MACROD2: variants seen among roughly 807,000 people sequenced by gnomAD.
The protein encoded by MACROD2 is ADP-ribose glycohydrolase MACROD2.
Under a neutral mutation model 70.4 loss-of-function variants are expected in MACROD2, and 36 were observed. The observed-to-expected ratio is 0.51, with a 90% CI of 0.39 to 0.68. The LOEUF (loss-of-function observed/expected upper bound fraction) is 0.68. Among genes scored for constraint, MACROD2 ranks in the 30% least tolerant of loss-of-function variants. The probability of loss-of-function intolerance (pLI) is 0.00; values close to 1 mark genes in which losing one functional copy is unlikely to be tolerated. For synonymous variants in MACROD2, 172 were observed against 178.8 expected (o/e 0.96, Z 0.30); for missense variants, 496 against 538.4 (o/e 0.92, Z 0.78).
chr20:15,300,729 G>T (rs1486353099), intron 6 of MACROD2, among the ~76,000 whole-genome samples: 1 of 152,166 alleles, frequency 6.6e-6, no homozygotes, highest in Admixed American at 6.6e-5. Context: ...GAAGCAACTG[G>T]GTTGGGTGTC....
chr20:14,491,116 G>A (rs2084788614), intron 3 of MACROD2, among the ~76,000 whole-genome samples: 1 of 152,146 alleles, frequency 6.6e-6, no homozygotes, highest in South Asian at 2.1e-4. Flanking sequence ...GTAACGTGAA[G>A]CTACCTGACT....
At chr20:14,903,039 C>CTTTTTTT (rs11483540) in intron 5 of MACROD2, among the ~76,000 whole-genome samples, 1 of 116,754 alleles carries the variant, frequency 8.6e-6, no homozygotes, top group Non-Finnish European at 1.7e-5. Context: ...TTTTCTTTCC[C>CTTTTTTT]TTTTTTTTTT....
intron 6 of MACROD2, among the ~76,000 whole-genome samples, chr20:15,276,419 A>G (rs1254006119): frequency 6.6e-6 from 1 of 151,608 alleles, no homozygotes; most frequent in Non-Finnish European, 1.5e-5. Context: ...AAAAAATAAA[A>G]AAATCTCATT....
At chr20:15,744,860 G>A (rs1011579174) in intron 8 of MACROD2, among the ~76,000 whole-genome samples, 2 of 151,988 alleles carry the variant, frequency 1.3e-5, no homozygotes, top group African/African-American at 4.8e-5. Context: ...TATACTTTAA[G>A]TTCTAGGGTA....
At chr20:14,252,892 C>T (rs569019340) in intron 3 of MACROD2, among the ~76,000 whole-genome samples, 1 of 152,048 alleles carries the variant, frequency 6.6e-6, no homozygotes, top group Non-Finnish European at 1.5e-5. Flanking sequence ...TTTCTTTTAT[C>T]ATGGTAAAAT....
chr20:15,644,675 C>A lies in MACROD2; in HGVS notation c.645+144828C>A, dbSNP rs1030218316. On this transcript the variant is annotated intron_variant, in intron 8 of 17. Coordinates refer to ENST00000684519, the MANE Select transcript of MACROD2 (RefSeq NM_001351661.2). Reference sequence around the variant, plus strand: ...TTTGAAAGATGGGTGATCTATCAGACCTAAAGAGGTTAAGTAATTTTTTAT... The same window carrying A: ...TTTGAAAGATGGGTGATCTATCAGAACTAAAGAGGTTAAGTAATTTTTTAT... Among the ~76,000 whole-genome samples the A allele has an allele frequency of 3.9e-5, 6 of 151,922 alleles. No homozygotes were observed. In the East Asian group the frequency reaches 9.6e-4, roughly 24 times the overall value.
intron 4 of MACROD2, among the ~76,000 whole-genome samples, chr20:14,578,548 G>T (rs921864989): frequency 3.3e-5 from 5 of 151,834 alleles, no homozygotes; most frequent in African/African-American, 1.2e-4. Context: ...AATAACTCAG[G>T]GCCCTTCATT....
At chr20:15,298,870 A>G (rs2077615735) in intron 6 of MACROD2, among the ~76,000 whole-genome samples, 1 of 152,158 alleles carries the variant, frequency 6.6e-6, no homozygotes, top group Non-Finnish European at 1.5e-5. Context: ...ATGTATTATT[A>G]TCCTCATTTT....
At chr20:15,160,111 T>C (rs1389409314) in intron 5 of MACROD2, among the ~76,000 whole-genome samples, 1 of 151,996 alleles carries the variant, frequency 6.6e-6, no homozygotes, top group African/African-American at 2.4e-5. Flanking sequence ...TCAAACTGTA[T>C]TTCAGAGACA....
chr20:15,866,764 C>A (rs2064499524), intron 9 of MACROD2, among the ~76,000 whole-genome samples: 1 of 152,126 alleles, frequency 6.6e-6, no homozygotes, highest in Admixed American at 6.6e-5. Flanking sequence ...TTCATGGAAA[C>A]TTCTAATATG....
intron 15 of MACROD2, among the ~76,000 whole-genome samples, chr20:16,015,434 T>C (rs1419232116): frequency 6.6e-6 from 1 of 152,206 alleles, no homozygotes; most frequent in Non-Finnish European, 1.5e-5. Context: ...AGGCTGCAGC[T>C]CTGTTTATCC....
chr20:14,478,889 T>A (rs1197409041), intron 3 of MACROD2, among the ~76,000 whole-genome samples: 1 of 151,836 alleles, frequency 6.6e-6, no homozygotes, highest in East Asian at 1.9e-4. Flanking sequence ...CTCCCAGGGG[T>A]CTATACTGTG....
intron 15 of MACROD2, among the ~76,000 whole-genome samples, chr20:16,020,471 G>A (rs950328907): frequency 1.3e-5 from 2 of 151,654 alleles, no homozygotes; most frequent in Non-Finnish European, 2.9e-5. Context: ...ACTTTGGCTT[G>A]TAATCACATC....
intron 5 of MACROD2, among the ~76,000 whole-genome samples, chr20:15,082,157 G>A (rs1223077638): frequency 6.6e-6 from 1 of 152,130 alleles, no homozygotes; most frequent in Non-Finnish European, 1.5e-5. Context: ...CAGAGTGGGA[G>A]GTTATCTGCT....
chr20:14,818,558 TC>T (rs2072800476), intron 5 of MACROD2, among the ~76,000 whole-genome samples: 1 of 152,002 alleles, frequency 6.6e-6, no homozygotes, highest in African/African-American at 2.4e-5. Context: ...ACATGAAGAT[TC>T]CAGGTTCACC....
At chr20:14,612,318 T>C (rs2094205083) in intron 4 of MACROD2, among the ~76,000 whole-genome samples, 2 of 152,170 alleles carry the variant, frequency 1.3e-5, no homozygotes, top group African/African-American at 2.4e-5. Flanking sequence ...TGAAACTCTT[T>C]AAGCTTGGCC....
At chr20:14,113,429 A>G (rs13037908) in intron 3 of MACROD2, among the ~76,000 whole-genome samples, 27,466 of 151,956 alleles carry the variant, frequency 0.18, 2,793 homozygotes, top group African/African-American at 0.28. Flanking sequence ...GAACAGAATA[A>G]ATTATCAGAG....
chr20:14,399,764 C>A (rs2083618205), intron 3 of MACROD2, among the ~76,000 whole-genome samples: 1 of 152,166 alleles, frequency 6.6e-6, no homozygotes, highest in South Asian at 2.1e-4. Context: ...TAAAAAAATT[C>A]TTTTCCATCC....
chr20:14,213,311 T>C (rs2081585348), intron 3 of MACROD2, among the ~76,000 whole-genome samples: 1 of 117,604 alleles, frequency 8.5e-6, no homozygotes, highest in Non-Finnish European at 1.6e-5. Context: ...GCCATAATAC[T>C]ATAGAATTGC....
Sources: gnomAD v4.1 joint callset for allele counts (sites outside exome capture counted in the v4.1 genomes callset) on GRCh38, gnomAD v4.1.1 for gene constraint, MANE v1.5 for transcripts, NCBI Gene and HGNC (gene_info 2026-07-23, HGNC 2026-07-21) for gene names.